Variants in EVC observed in about 807,000 individuals in gnomAD.
EVC encodes evC complex member EVC.
A neutral mutation model predicts 118.9 loss-of-function variants in EVC; 116 were observed. The ratio of observed to expected loss-of-function variants is 0.98; its 90% CI spans 0.84 to 1.14. The LOEUF (loss-of-function observed/expected upper bound fraction) is 1.14. Ranked by LOEUF, EVC falls within the 50% of genes most tolerant of loss-of-function variation. EVC has a pLI of 0.00. For synonymous variants in EVC, 619 were observed against 534.7 expected (o/e 1.16, Z -2.18); for missense variants, 1,401 against 1,246.4 (o/e 1.12, Z -1.87).
chr4:5,745,317 A>G lies in EVC; in HGVS notation c.915A>G (p.Glu305=). 6.2e-7 allele frequency: 1 copy of G among 1,614,086 alleles called. No individual in the cohort carries two copies. The highest frequency in any genetic ancestry group is 8.5e-7 in the Non-Finnish European group (1 of 1,179,962). The change falls in exon 7 of 21, where the codon GAA becomes GAG. Residue 305 remains glutamate (E), a synonymous_variant. Transcript: ENST00000264956. The part of the protein sequence containing the change: ...TLADVEKKER[E]YSEQLIDNME... The stretch of plus-strand genomic sequence containing the variant: ...CTGATGTGGAAAAGAAGGAGAGAGA[A>G]TACTCTGAACAGCTAATCGATAATG...
intron 2 of EVC, among the ~76,000 whole-genome samples, chr4:5,726,839 G>A (rs917012365): frequency 1.1e-4 from 17 of 149,576 alleles, no homozygotes; most frequent in African/African-American, 3.7e-4. Context: ...TTTTGTTCTT[G>A]CGATAGTTTA....
intron 11 of EVC, chr4:5,758,274 CG>C: frequency 1.7e-6 from 1 of 581,940 alleles, no homozygotes; most frequent in Non-Finnish European, 3.0e-6. Flanking sequence ...TAATGCCCTC[CG>C]GAACGGTGAG....
rs1322152339 is a variant in EVC, at chr4:5,731,891, G to A, written c.617+234G>A. Among the ~76,000 whole-genome samples the A allele has an allele frequency of 1.3e-5, 2 of 152,120 alleles. No homozygotes were observed. The highest frequency in any genetic ancestry group is 2.1e-4 in the South Asian group (1 of 4,818). ...CCTGAGCCCCGGGGAGAGATGACAG[G>A]GAGGCCTCATTTAATCACTGGCGTG... On this transcript the variant is annotated intron_variant, in intron 4 of 20. Transcript: ENST00000264956. The surrounding 1 kb of genome is among the most constrained non-coding windows in gnomAD (Gnocchi z 5.6).
intron 14 of EVC, among the ~76,000 whole-genome samples, chr4:5,797,854 G>C (rs1025871618): frequency 1.1e-4 from 16 of 152,182 alleles, no homozygotes; most frequent in Non-Finnish European, 1.8e-4. Flanking sequence ...GTTGTCATTG[G>C]GGGTATGGTA....
chr4:5,800,499 A>G (rs1031872206), intron 15 of EVC, among the ~76,000 whole-genome samples: 1 of 152,030 alleles, frequency 6.6e-6, no homozygotes, highest in Non-Finnish European at 1.5e-5. Context: ...AAAACTGAGG[A>G]GGAGGAGAGA....
intron 1 of EVC, among the ~76,000 whole-genome samples, chr4:5,715,336 T>A (rs1723764336): frequency 6.6e-6 from 1 of 152,220 alleles, no homozygotes; most frequent in Non-Finnish European, 1.5e-5. Context: ...AGCATCAATA[T>A]CTTGGGGAGC....
At chr4:5,741,203 T>C (rs1213395460) in intron 5 of EVC, among the ~76,000 whole-genome samples, 1 of 152,166 alleles carries the variant, frequency 6.6e-6, no homozygotes, top group East Asian at 1.9e-4. Flanking sequence ...GGTGAATAGA[T>C]CAACAAATTG....
intron 17 of EVC, among the ~76,000 whole-genome samples, chr4:5,805,105 G>A (rs1463420995): frequency 3.9e-5 from 6 of 152,166 alleles, no homozygotes; most frequent in Admixed American, 3.3e-4. Flanking sequence ...CCCGGACACA[G>A]GTCTAAGCCA....
intron 11 of EVC, among the ~76,000 whole-genome samples, chr4:5,767,569 C>G (rs1733127663): frequency 6.6e-6 from 1 of 151,126 alleles, no homozygotes; most frequent in African/African-American, 2.4e-5. Context: ...GGGCATAGGA[C>G]CCTCCGAGCC....
At chr4:5,736,570 G>A (rs1215582999) in intron 5 of EVC, among the ~76,000 whole-genome samples, 2 of 148,930 alleles carry the variant, frequency 1.3e-5, no homozygotes, top group East Asian at 3.9e-4. Context: ...CAAGTCTGTT[G>A]GCTCCATTTT....
downstream of EVC, among the ~76,000 whole-genome samples, chr4:5,815,485 G>A (rs764033029): frequency 3.9e-5 from 6 of 152,212 alleles, no homozygotes; most frequent in Non-Finnish European, 8.8e-5. Context: ...AAATGTGGCC[G>A]TTTAGAGGGT....
chr4:5,820,018 G>A, the EVC span, among the ~76,000 whole-genome samples: 1 of 152,136 alleles, frequency 6.6e-6, no homozygotes, highest in South Asian at 2.1e-4. Flanking sequence ...CAGTAATTAG[G>A]AGCAAGGAGC....
In EVC at chr4:5,731,627, A is replaced by G. The variant is rs1390544058; in HGVS notation, c.587A>G (p.Asn196Ser). The G allele has an allele frequency of 6.2e-7, 1 of 1,614,082 alleles. No individual in the cohort carries two copies. Among genetic ancestry groups the G allele is most frequent in the African/African-American group, 1.3e-5 (1 of 75,026 alleles). The change falls in exon 4 of 21, where the codon AAC becomes AGC. Residue 196 changes from asparagine (N) to serine (S), a missense_variant. By Grantham distance (46) the Asn-to-Ser change is conservative. Transcript: ENST00000264956. The surrounding 1 kb of genome is among the most constrained non-coding windows in gnomAD (Gnocchi z 5.6). ...RFLSRTFLRV[N>S]AFPEVLACES... ...CTCAGCCGCACCTTCCTCCGGGTGA[A>G]CGCCTTCCCTGAAGTGCTGGCCTGC... is the stretch of plus-strand genomic sequence containing the variant.
downstream of EVC, chr4:5,814,392 C>A (rs529338693): frequency 6.6e-6 from 1 of 152,336 alleles, no homozygotes; most frequent in African/African-American, 2.4e-5. Flanking sequence ...CTCCCAGGAC[C>A]CTCCTGGCCA....
At chr4:5,721,750 C>T (rs532772958) in intron 2 of EVC, among the ~76,000 whole-genome samples, 77 of 152,190 alleles carry the variant, frequency 5.1e-4, no homozygotes, top group Middle Eastern at 3.4e-3. Flanking sequence ...GCCTGTAGTC[C>T]CAGCTACTTA....
chr4:5,736,668 T>C (rs987310066), intron 5 of EVC, among the ~76,000 whole-genome samples: 2 of 152,228 alleles, frequency 1.3e-5, no homozygotes, highest in African/African-American at 4.8e-5. Flanking sequence ...TATTGTGTTA[T>C]GGTGATCTGT....
intron 17 of EVC, 113 bp downstream of exon 17, chr4:5,804,954 G>T: frequency 3.2e-6 from 3 of 937,700 alleles, no homozygotes; most frequent in Non-Finnish European, 5.0e-6. Context: ...GTGGACTTGG[G>T]GGCCATCGGC....
At chr4:5,722,315 G>C (rs1267501035) in intron 2 of EVC, among the ~76,000 whole-genome samples, 2 of 152,168 alleles carry the variant, frequency 1.3e-5, no homozygotes, top group African/African-American at 4.8e-5. Context: ...GTAATGTCTT[G>C]TTCACTATTC....
chr4:5,741,890 T>G lies in EVC; in HGVS notation c.801+76T>G, dbSNP rs144386260. 408 of 766,896 alleles carry G rather than the reference T, an allele frequency of 5.3e-4. 3 individuals carry two copies. In the African/African-American group the frequency reaches 6.4e-3, roughly 12 times the overall value. The allele number at this position is 766,896 out of a possible 1,614,324, so 47.5% of individuals were successfully genotyped here. ...TATATACAACTTATGATGCAAAAATTTTTTTCTTTCATGTATAAAATAGCT... is the reference window on the plus strand; with the variant it reads ...TATATACAACTTATGATGCAAAAATGTTTTTCTTTCATGTATAAAATAGCT... On this transcript the variant is annotated intron_variant, in intron 6 of 20. Transcript: ENST00000264956.
Sources: allele counts gnomAD v4.1 joint callset (sites outside exome capture counted in the v4.1 genomes callset), GRCh38; gene constraint gnomAD v4.1.1; non-coding constraint Gnocchi (gnomAD v3.1); transcripts MANE v1.5; gene names NCBI Gene and HGNC (gene_info 2026-07-23, HGNC 2026-07-21).